The following DOCK1 variants were observed in gnomAD, a reference collection of about 807,000 sequenced individuals.
DOCK1 encodes the protein dedicator of cytokinesis protein 1.
Under a neutral mutation model 262.7 loss-of-function variants are expected in DOCK1, and 138 were observed. The ratio of observed to expected loss-of-function variants is 0.53; its 90% CI spans 0.46 to 0.61. The LOEUF (loss-of-function observed/expected upper bound fraction) is 0.61, where lower values mean the gene tolerates loss of function less well. Ranked by LOEUF, DOCK1 falls within the 20% of genes least tolerant of loss-of-function variation. The pLI, the probability that DOCK1 is intolerant of heterozygous loss-of-function variation, is 0.00. For missense variants in DOCK1, 1,908 were observed against 2,370.7 expected, an observed-to-expected ratio of 0.80 and a Z score of 4.05; for synonymous variants, 866 against 867.4, an observed-to-expected ratio of 1.00 and a Z score of 0.03.
intron 23 of DOCK1, among the ~76,000 whole-genome samples, chr10:127,097,759 C>G (rs2047997250): frequency 6.6e-6 from 1 of 152,192 alleles, no homozygotes; most frequent in Non-Finnish European, 1.5e-5. Flanking sequence ...GCTTAAATAG[C>G]AAACATTTAT....
intron 29 of DOCK1, among the ~76,000 whole-genome samples, chr10:127,337,404 A>G (rs1221844960): frequency 1.3e-5 from 2 of 152,332 alleles, no homozygotes; most frequent in African/African-American, 4.8e-5. Flanking sequence ...TATGCAAAGC[A>G]TGTCCTGAAT....
chr10:127,257,491 CAG>C (rs1420757472), intron 29 of DOCK1, 62 bp downstream of exon 29: 132 of 1,465,896 alleles, frequency 9.0e-5, no homozygotes, highest in Non-Finnish European at 1.2e-4. Flanking sequence ...CTGCTGGGAA[CAG>C]TGGTGTTGCC....
chr10:127,441,262 T>C (rs1395359820), intron 49 of DOCK1, among the ~76,000 whole-genome samples: 2 of 152,104 alleles, frequency 1.3e-5, no homozygotes, highest in East Asian at 3.9e-4. Flanking sequence ...CAAGCATCCT[T>C]CTAGGGTCCT....
intron 1 of DOCK1, among the ~76,000 whole-genome samples, chr10:126,909,051 G>C (rs2031371056): frequency 6.6e-6 from 1 of 152,192 alleles, no homozygotes; most frequent in Non-Finnish European, 1.5e-5. Context: ...TGGCAGATGT[G>C]ATTCAGGTTA....
At chr10:126,944,366 C>T (rs1014388757) in intron 1 of DOCK1, among the ~76,000 whole-genome samples, 2,378 of 152,022 alleles carry the variant, frequency 0.016, 35 homozygotes, top group Non-Finnish European at 0.025. Context: ...GCAGGAAGCC[C>T]TCAGCACGCA....
chr10:126,907,004 GAC>G (rs1343971641), intron 1 of DOCK1, among the ~76,000 whole-genome samples: 1 of 152,176 alleles, frequency 6.6e-6, no homozygotes, highest in Non-Finnish European at 1.5e-5. Flanking sequence ...CTGAGGCCCA[GAC>G]ACATTCACAA....
chr10:127,146,102 C>T (rs1049497648), intron 27 of DOCK1: 3 of 507,394 alleles, frequency 5.9e-6, no homozygotes, highest in Non-Finnish European at 1.2e-5. Flanking sequence ...TCTCCATACT[C>T]ATCTAAACAT....
intron 1 of DOCK1, among the ~76,000 whole-genome samples, chr10:126,955,269 G>T (rs964772676): frequency 1.3e-5 from 2 of 152,158 alleles, no homozygotes; most frequent in African/African-American, 4.8e-5. Flanking sequence ...GGGATTATGG[G>T]CATGCACCAT....
chr10:127,090,803 C>T (rs538512489), intron 23 of DOCK1, among the ~76,000 whole-genome samples: 1 of 152,186 alleles, frequency 6.6e-6, no homozygotes, highest in African/African-American at 2.4e-5. Context: ...TCTCAGGGTT[C>T]ATCCATGTGT....
intron 33 of DOCK1, among the ~76,000 whole-genome samples, chr10:127,370,552 A>G (rs2065152152): frequency 2.0e-5 from 3 of 152,190 alleles, no homozygotes; most frequent in Admixed American, 6.5e-5. Context: ...ACCCAAAACA[A>G]AAATTATGCG....
At chr10:127,104,292 A>T (rs971593352) in intron 23 of DOCK1, among the ~76,000 whole-genome samples, 4 of 152,126 alleles carry the variant, frequency 2.6e-5, no homozygotes, top group Non-Finnish European at 5.9e-5. Flanking sequence ...CAATTTATCA[A>T]TTTTTTCTTT....
chr10:127,444,105 C>T, intron 49 of DOCK1, 21 bp from the exon 50 acceptor site: 1 of 1,552,228 alleles, frequency 6.4e-7, no homozygotes, highest in South Asian at 1.2e-5. Context: ...TAACTGTGCT[C>T]TTTCTGTCCT....
intron 27 of DOCK1, among the ~76,000 whole-genome samples, chr10:127,223,697 C>G (rs544633894): frequency 1.8e-4 from 28 of 152,216 alleles, no homozygotes; most frequent in Non-Finnish European, 2.8e-4. Context: ...GAGAAGACAT[C>G]AAGCATCAAG....
At chr10:127,203,393 A>C (rs193186542) in intron 27 of DOCK1, among the ~76,000 whole-genome samples, 1 of 152,192 alleles carries the variant, frequency 6.6e-6, no homozygotes, top group Non-Finnish European at 1.5e-5. Context: ...TTGACATTTT[A>C]TGCGCTTAGT....
At chr10:127,134,645 T>C (rs1200293498) in intron 27 of DOCK1, among the ~76,000 whole-genome samples, 1 of 152,122 alleles carries the variant, frequency 6.6e-6, no homozygotes, top group African/African-American at 2.4e-5. Flanking sequence ...GAAATGATTA[T>C]AGAATGAGAC....
At chr10:127,004,530 T>G (rs1355950153) in intron 10 of DOCK1, among the ~76,000 whole-genome samples, 1 of 152,018 alleles carries the variant, frequency 6.6e-6, no homozygotes, top group South Asian at 2.1e-4. Flanking sequence ...GCAGATCGCT[T>G]GAGCCCAGGC....
intron 29 of DOCK1, among the ~76,000 whole-genome samples, chr10:127,259,764 A>G (rs2059954455): frequency 6.6e-6 from 1 of 150,622 alleles, no homozygotes; most frequent in African/African-American, 2.4e-5. Flanking sequence ...TTAGGAGGGA[A>G]TAGTCAAAAT....
At chr10:127,235,041 TATAC>T (rs2058997411) in intron 27 of DOCK1, among the ~76,000 whole-genome samples, 2 of 148,898 alleles carry the variant, frequency 1.3e-5, no homozygotes, top group South Asian at 4.2e-4. Context: ...CATATATACT[TATAC>T]ATAAATCTAT....
intron 1 of DOCK1, among the ~76,000 whole-genome samples, chr10:126,956,802 G>C (rs1367724039): frequency 6.6e-6 from 1 of 152,174 alleles, no homozygotes; most frequent in Non-Finnish European, 1.5e-5. Context: ...TCCATGTCTT[G>C]ATTCCAGAGG....
Sources: gnomAD v4.1 joint callset for allele counts (sites outside exome capture counted in the v4.1 genomes callset) on GRCh38, gnomAD v4.1.1 for gene constraint, MANE v1.5 for transcripts, NCBI Gene and HGNC (gene_info 2026-07-23, HGNC 2026-07-21) for gene names.